FRMD4A: variants seen among roughly 807,000 people sequenced by gnomAD.
The protein encoded by FRMD4A is FERM domain containing 4A.
In FRMD4A, 29 loss-of-function variants were observed where a neutral mutation model predicts 129.1. The ratio of observed to expected loss-of-function variants is 0.22; its 90% CI spans 0.17 to 0.31. The LOEUF is 0.31. Among genes scored for constraint, FRMD4A ranks in the 10% least tolerant of loss-of-function variants. The probability of loss-of-function intolerance (pLI) is 1.00; values close to 1 mark genes in which losing one functional copy is unlikely to be tolerated. For missense variants in FRMD4A, 1,272 were observed against 1,375.8 expected, an observed-to-expected ratio of 0.92 and a Z score of 1.19; for synonymous variants, 634 against 571.6, an observed-to-expected ratio of 1.11 and a Z score of -1.56.
chr10:13,870,359 G>A (rs1005569230), intron 2 of FRMD4A, among the ~76,000 whole-genome samples: 6 of 152,026 alleles, frequency 3.9e-5, no homozygotes, highest in Non-Finnish European at 8.8e-5. Context: ...CCTTCCCATC[G>A]CTCCTCTCAG....
intron 2 of FRMD4A, among the ~76,000 whole-genome samples, chr10:14,224,716 C>T (rs141825492): frequency 6.4e-4 from 98 of 152,268 alleles, no homozygotes; most frequent in African/African-American, 2.3e-3. Flanking sequence ...AAAAGAGTCT[C>T]TCATTTATCT....
chr10:13,649,351 A>G (rs986373144), intron 24 of FRMD4A: 1 of 127,536 alleles, frequency 7.8e-6, no homozygotes, highest in African/African-American at 2.7e-5. Flanking sequence ...GAAGAGCCTA[A>G]CTGTTGGCTG....
chr10:13,839,592 C>T (rs1186927346), intron 3 of FRMD4A, among the ~76,000 whole-genome samples: 3 of 152,178 alleles, frequency 2.0e-5, no homozygotes, highest in Admixed American at 6.5e-5. Flanking sequence ...TCAGCTTGTA[C>T]AACACTGAGA....
chr10:13,950,244 G>T (rs2095362325), intron 2 of FRMD4A, among the ~76,000 whole-genome samples: 1 of 152,234 alleles, frequency 6.6e-6, no homozygotes, highest in Non-Finnish European at 1.5e-5. Context: ...GGGACATTTG[G>T]CCTTTGCCAT....
chr10:14,145,435 G>T (rs1336245213), intron 2 of FRMD4A, among the ~76,000 whole-genome samples: 1 of 152,170 alleles, frequency 6.6e-6, no homozygotes, highest in African/African-American at 2.4e-5. Context: ...CTTTAAGAGG[G>T]CTGTGGACAA....
chr10:13,762,805 G>A (rs2092126850), intron 6 of FRMD4A, 125 bp from the exon 7 acceptor site: 6 of 659,472 alleles, frequency 9.1e-6, no homozygotes, highest in Non-Finnish European at 1.6e-5. Flanking sequence ...ACCAGCCTGG[G>A]CAACATAATG....
chr10:13,814,055 G>T (rs965966307), intron 3 of FRMD4A, among the ~76,000 whole-genome samples: 2 of 152,124 alleles, frequency 1.3e-5, no homozygotes, highest in African/African-American at 2.4e-5. Context: ...GTTTTCACTG[G>T]TGATAAATCT....
chr10:14,053,098 G>A (rs1320414370), intron 2 of FRMD4A, among the ~76,000 whole-genome samples: 1 of 152,170 alleles, frequency 6.6e-6, no homozygotes, highest in Non-Finnish European at 1.5e-5. Flanking sequence ...CCCAGACTAC[G>A]TGAGCAAACG....
chr10:14,010,801 T>G (rs1265110759), intron 2 of FRMD4A, among the ~76,000 whole-genome samples: 4 of 151,152 alleles, frequency 2.6e-5, no homozygotes, highest in Non-Finnish European at 5.9e-5. Flanking sequence ...TGAGCCACCA[T>G]GCCTGGCCAA....
At chr10:14,179,520 A>G (rs750441820) in intron 2 of FRMD4A, among the ~76,000 whole-genome samples, 1 of 152,122 alleles carries the variant, frequency 6.6e-6, no homozygotes, top group Non-Finnish European at 1.5e-5. Context: ...AGCCACACAT[A>G]TTTGCTTTCA....
chr10:14,187,789 T>A (rs1842194597), intron 2 of FRMD4A, among the ~76,000 whole-genome samples: 7 of 152,288 alleles, frequency 4.6e-5, no homozygotes, highest in Non-Finnish European at 8.8e-5. Context: ...TTTTGGGGGT[T>A]AGAAGTAGAC....
At chr10:14,281,271 C>T (rs992188834) in intron 2 of FRMD4A, among the ~76,000 whole-genome samples, 4 of 151,996 alleles carry the variant, frequency 2.6e-5, no homozygotes, top group South Asian at 2.1e-4. Context: ...GGATTACAGA[C>T]GTGAGCCACC....
intron 2 of FRMD4A, among the ~76,000 whole-genome samples, chr10:13,924,496 C>T (rs2095108000): frequency 6.6e-6 from 1 of 151,852 alleles, no homozygotes; most frequent in Admixed American, 6.6e-5. Context: ...GGACTCTCTT[C>T]CCCCAGATAG....
intron 2 of FRMD4A, among the ~76,000 whole-genome samples, chr10:14,153,433 T>G (rs1022934303): frequency 2.6e-5 from 4 of 152,192 alleles, no homozygotes; most frequent in African/African-American, 9.7e-5. Context: ...ATTTCATTCT[T>G]TTCTGACTAC....
intron 18 of FRMD4A, among the ~76,000 whole-genome samples, chr10:13,665,678 C>T (rs7078549): frequency 0.016 from 2,479 of 152,246 alleles, 65 homozygotes; most frequent in African/African-American, 0.054. Flanking sequence ...TGGCGGGGGC[C>T]GCTCGAAGAC....
chr10:14,230,469 C>T (rs777824377), intron 2 of FRMD4A, among the ~76,000 whole-genome samples: 12 of 152,246 alleles, frequency 7.9e-5, no homozygotes, highest in African/African-American at 1.9e-4. Flanking sequence ...GAAGACCATG[C>T]GCATAAAGAT....
intron 2 of FRMD4A, among the ~76,000 whole-genome samples, chr10:13,997,936 A>G (rs960390353): frequency 6.6e-6 from 1 of 152,078 alleles, no homozygotes; most frequent in East Asian, 1.9e-4. Context: ...GATGCATGCA[A>G]TTTGTGCAAT....
intron 2 of FRMD4A, among the ~76,000 whole-genome samples, chr10:14,174,706 A>G (rs1157309256): frequency 2.0e-5 from 3 of 152,076 alleles, no homozygotes; most frequent in Non-Finnish European, 4.4e-5. Flanking sequence ...CTAAATACCC[A>G]TGTTCAGCCC....
At chr10:14,148,931 C>T (rs1380004450) in intron 2 of FRMD4A, among the ~76,000 whole-genome samples, 1 of 152,170 alleles carries the variant, frequency 6.6e-6, no homozygotes, top group Non-Finnish European at 1.5e-5. Flanking sequence ...TTCCTGCATA[C>T]ATACCCAGAC....
Sources: allele counts gnomAD v4.1 joint callset (sites outside exome capture counted in the v4.1 genomes callset), GRCh38; gene constraint gnomAD v4.1.1; transcripts MANE v1.5; gene names NCBI Gene and HGNC (gene_info 2026-07-23, HGNC 2026-07-21).